The following NEK11 variants were observed in gnomAD, a reference collection of about 807,000 sequenced individuals.
The protein encoded by NEK11 is NIMA related kinase 11.
Under a neutral mutation model 80.7 loss-of-function variants are expected in NEK11, and 72 were observed. The observed-to-expected ratio is 0.89, with a 90% CI of 0.74 to 1.08. The LOEUF (loss-of-function observed/expected upper bound fraction) is 1.08. Among genes scored for constraint, NEK11 ranks in the 50% least tolerant of loss-of-function variants. The pLI is 0.00. For synonymous variants in NEK11, 251 were observed against 260.7 expected (o/e 0.96, Z 0.36); for missense variants, 764 against 763.6 (o/e 1.00, Z -0.01).
intron 17 of NEK11, among the ~76,000 whole-genome samples, chr3:131,280,358 G>GTGCTA (rs1352567681): frequency 6.6e-6 from 1 of 150,774 alleles, no homozygotes; most frequent in Non-Finnish European, 1.5e-5. Flanking sequence ...CAGCTTACTG[G>GTGCTA]TGCTATGCTC....
intron 4 of NEK11, among the ~76,000 whole-genome samples, chr3:131,091,840 G>A (rs2076775334): frequency 6.6e-6 from 1 of 152,208 alleles, no homozygotes; most frequent in South Asian, 2.1e-4. Flanking sequence ...ACTAGAAGGA[G>A]TTCGGAGAGC....
chr3:131,122,300 C>T (rs2082520563), intron 5 of NEK11, among the ~76,000 whole-genome samples: 1 of 152,142 alleles, frequency 6.6e-6, no homozygotes, highest in African/African-American at 2.4e-5. Context: ...ACTGGAGATT[C>T]CTGCTTTCTC....
chr3:131,109,776 T>C, intron 4 of NEK11, 27 bp from the exon 5 acceptor site: 1 of 1,557,204 alleles, frequency 6.4e-7, no homozygotes, highest in Non-Finnish European at 8.6e-7. Flanking sequence ...GCTGAAAAAA[T>C]ATGAAAGATT....
chr3:131,195,260 T>A (rs1199910621), intron 14 of NEK11, among the ~76,000 whole-genome samples: 1 of 151,546 alleles, frequency 6.6e-6, no homozygotes, highest in African/African-American at 2.4e-5. Context: ...CCACCCCTCC[T>A]CCAACCTCAC....
rs947425221 is a variant in NEK11 at position 131,316,828 on chromosome 3, G to A, written c.1719-32729G>A. Among the ~76,000 whole-genome samples, 14 of 152,058 alleles carry A rather than the reference G, an allele frequency of 9.2e-5. 1 individual carries two copies. The highest frequency in any genetic ancestry group is 9.2e-4 in the Admixed American group (14 of 15,244). On this transcript the variant is annotated intron_variant, in intron 17 of 17. Transcript: ENST00000383366. The stretch of plus-strand genomic sequence containing the variant: ...TGAAGTTAGCATTTGTACTTTCCTT[G>A]ATTTGCAAAAACTGATGGTAAAGAA...
At chr3:131,068,259 A>G (rs2072440900) in intron 3 of NEK11, among the ~76,000 whole-genome samples, 1 of 152,152 alleles carries the variant, frequency 6.6e-6, no homozygotes, top group African/African-American at 2.4e-5. Context: ...GTCCCTGGAC[A>G]AGCAGCTGCA....
intron 14 of NEK11, among the ~76,000 whole-genome samples, chr3:131,211,760 C>T (rs534881950): frequency 8.5e-5 from 13 of 152,278 alleles, no homozygotes; most frequent in Middle Eastern, 3.4e-3. Flanking sequence ...TTGATGGAAT[C>T]GGCTACTGAA....
chr3:131,344,076 T>C lies in NEK11; in HGVS notation c.1719-5481T>C, dbSNP rs1404021303. On this transcript the variant is annotated intron_variant, in intron 17 of 17. Coordinates refer to ENST00000383366, the MANE Select transcript of NEK11 (RefSeq NM_024800.5). ...AGGCTGCAAATTTTCCAAACTTTTA[T>C]GCTATCCTTCCCTTTTAAATATAAA... 5.3e-5 allele frequency among the ~76,000 whole-genome samples: 8 copies of C among 152,272 alleles called. No individual in the cohort carries two copies. The East Asian group carries it at 1.5e-3, about 29-fold the overall frequency.
At chr3:131,207,731 T>A (rs557845001) in intron 14 of NEK11, among the ~76,000 whole-genome samples, 121 of 152,336 alleles carry the variant, frequency 7.9e-4, no homozygotes, top group African/African-American at 2.6e-3. Flanking sequence ...GATGAGCATT[T>A]TTTCATGTGA....
At chr3:131,141,164 C>T (rs141171697) in intron 7 of NEK11, among the ~76,000 whole-genome samples, 1 of 152,028 alleles carries the variant, frequency 6.6e-6, no homozygotes, top group Non-Finnish European at 1.5e-5. Context: ...GTGGTATTTG[C>T]AGAAGGGAAG....
Position 131,152,481 on chromosome 3 carries a change from T to C in NEK11, c.741T>C (p.Gly247=). Residue 247 remains glycine, a synonymous_variant, in exon 8 of 18, where the codon GGT becomes GGC. Transcript: ENST00000383366. Reference sequence around the variant, plus strand: ...CCATTGTTTTAAAAATTGTTGAAGGTGACACACCTTCTCTCCCTGAGAGAT... The same window carrying C: ...CCATTGTTTTAAAAATTGTTGAAGGCGACACACCTTCTCTCCCTGAGAGAT... The part of the protein sequence containing the change: ...FLSIVLKIVE[G]DTPSLPERYP... 6.2e-7 allele frequency: 1 copy of C among 1,613,984 alleles called. No homozygotes were observed. The highest frequency in any genetic ancestry group is 1.1e-5 in the South Asian group (1 of 91,072).
At chr3:131,171,178 T>G (rs2092669371) in intron 14 of NEK11, among the ~76,000 whole-genome samples, 1 of 152,240 alleles carries the variant, frequency 6.6e-6, no homozygotes, top group African/African-American at 2.4e-5. Context: ...TTTGGAATTG[T>G]GCAAACTCCG....
chr3:131,293,926 C>T (rs1223434170), intron 17 of NEK11, among the ~76,000 whole-genome samples: 1 of 151,884 alleles, frequency 6.6e-6, no homozygotes, highest in Non-Finnish European at 1.5e-5. Context: ...GTGATGTCCC[C>T]TCTTTCATTT....
chr3:131,162,661 C>G (rs2091773243), intron 11 of NEK11, 134 bp downstream of exon 11: 1 of 954,378 alleles, frequency 1.0e-6, no homozygotes, highest in Admixed American at 2.7e-5. Context: ...TTTATTCATT[C>G]ACTTGTTCAC....
intron 17 of NEK11, among the ~76,000 whole-genome samples, chr3:131,335,433 A>C (rs1282007744): frequency 6.6e-6 from 1 of 152,148 alleles, no homozygotes; most frequent in African/African-American, 2.4e-5. Flanking sequence ...CATGCTAAAA[A>C]CTCTCAATAA....
intron 14 of NEK11, 110 bp from the exon 15 acceptor site, chr3:131,228,418 A>G (rs1352829323): frequency 2.5e-5 from 22 of 886,844 alleles, no homozygotes; most frequent in Non-Finnish European, 3.3e-6. Flanking sequence ...CACTCCATGG[A>G]AGCTTTGTCA....
intron 14 of NEK11, among the ~76,000 whole-genome samples, chr3:131,177,467 C>A (rs1382974163): frequency 6.6e-6 from 1 of 152,108 alleles, no homozygotes. Flanking sequence ...GCTATTACTA[C>A]CAAAACAGAT....
chr3:131,075,843 A>G (rs1374179674), intron 3 of NEK11, among the ~76,000 whole-genome samples: 1 of 152,194 alleles, frequency 6.6e-6, no homozygotes, highest in Non-Finnish European at 1.5e-5. Flanking sequence ...TGCCAGTTTA[A>G]GCAGAAAAGG....
chr3:131,180,263 A>C (rs1288979657), intron 14 of NEK11, among the ~76,000 whole-genome samples: 11 of 152,212 alleles, frequency 7.2e-5, no homozygotes, highest in African/African-American at 2.7e-4. Flanking sequence ...CAAGGAGGAG[A>C]GAATCAGATA....
Sources: allele counts gnomAD v4.1 joint callset (sites outside exome capture counted in the v4.1 genomes callset), GRCh38; gene constraint gnomAD v4.1.1; transcripts MANE v1.5; gene names NCBI Gene and HGNC (gene_info 2026-07-23, HGNC 2026-07-21).